The following EML2 variants were observed in gnomAD, a reference collection of about 807,000 sequenced individuals.
The protein encoded by EML2 is EMAP like 2, also known as echinoderm microtubule-associated protein-like 2.
A neutral mutation model predicts 84.7 loss-of-function variants in EML2; 59 were observed. That is an observed-to-expected ratio of 0.70 (90% confidence interval 0.56 to 0.86). EML2 has a LOEUF of 0.86. Ranked by LOEUF, EML2 falls within the 40% of genes least tolerant of loss-of-function variation. The probability of loss-of-function intolerance (pLI) is 0.00; values close to 1 mark genes in which losing one functional copy is unlikely to be tolerated. For synonymous variants in EML2, 352 were observed against 348.9 expected, an observed-to-expected ratio of 1.01 and a Z score of -0.10; for missense variants, 818 against 855.6, an observed-to-expected ratio of 0.96 and a Z score of 0.55.
upstream of EML2, chr19:45,644,886 A>AC (rs1487466768): frequency 9.5e-6 from 4 of 421,758 alleles, no homozygotes; most frequent in Non-Finnish European, 1.9e-5. Context: ...CACCAAATCC[A>AC]CCCCCACCCC....
rs965613577 is a variant in EML2, at chr19:45,634,374, C to T, written c.277G>A (p.Val93Met). 11 of 1,613,928 alleles carry T rather than the reference C, an allele frequency of 6.8e-6. No homozygotes were observed. Among genetic ancestry groups the T allele is most frequent in the African/African-American group, 6.7e-5 (5 of 74,924 alleles). The change falls in exon 4 of 19, where the codon GTG (valine) becomes ATG (methionine). Residue 93 changes from valine (V) to methionine (M), a missense_variant. Coordinates refer to ENST00000245925, the MANE Select transcript of EML2 (RefSeq NM_012155.4). ...TAGTGTCGCTGCCTCTGCTCCTCCA[C>T]GCTGTATAGCACGGCTACGGAGGCC... The part of the protein sequence containing the change: ...FVASVAVLYS[V>M]EEQRQRHYLG...
upstream of EML2, chr19:45,643,810 C>G: frequency 6.9e-7 from 1 of 1,442,674 alleles, no homozygotes; most frequent in Non-Finnish European, 9.1e-7. Context: ...TCAGCGCCTC[C>G]CAGGTCCGGT....
intron 3 of EML2, among the ~76,000 whole-genome samples, chr19:45,637,667 CTTTTTTTT>C (rs58180181): frequency 1.1e-3 from 55 of 48,922 alleles, no homozygotes; most frequent in African/African-American, 3.8e-3. Flanking sequence ...TTTTTCTTTT[CTTTTTTTT>C]TTTTTTTTTT....
intron 12 of EML2, among the ~76,000 whole-genome samples, chr19:45,618,435 A>G (rs1394053223): frequency 6.6e-6 from 1 of 151,720 alleles, no homozygotes; most frequent in Non-Finnish European, 1.5e-5. Flanking sequence ...GCCAGTGGTT[A>G]CCCTATGGGA....
At chr19:45,618,220 C>A (rs1412363103) in intron 12 of EML2, among the ~76,000 whole-genome samples, 1 of 151,052 alleles carries the variant, frequency 6.6e-6, no homozygotes, top group Non-Finnish European at 1.5e-5. Context: ...CCCACCACCA[C>A]GCCCGGCTAA....
chr19:45,621,068 C>A, intron 11 of EML2, 139 bp downstream of exon 11: 1 of 1,336,590 alleles, frequency 7.5e-7, no homozygotes, highest in Non-Finnish European at 1.0e-6. Flanking sequence ...GGGAAGGGGT[C>A]CTGGGTCAGG....
intron 12 of EML2, 149 bp downstream of exon 12, chr19:45,618,911 C>G (rs746710798): frequency 2.3e-6 from 2 of 858,374 alleles, no homozygotes; most frequent in Admixed American, 3.3e-5. Context: ...CGTGCCATTG[C>G]CCTCCAGCCT....
At position 45,616,495 on chromosome 19, in the gene EML2, C is replaced by T. The variant is rs761517168; in HGVS notation, c.1475G>A (p.Gly492Asp). The T allele has an allele frequency of 5.6e-6, 9 of 1,597,814 alleles. No homozygotes were observed. The Admixed American group carries it at 1.5e-4, about 27-fold the overall frequency. Reference sequence around the variant, plus strand: ...GCCCAGGCGGCTGACCTTGCGGCCGCCCTGGTCCACCGTGTACACGTACAC... The same window carrying T: ...GCCCAGGCGGCTGACCTTGCGGCCGTCCTGGTCCACCGTGTACACGTACAC... Reference protein sequence around the residue: ...NLVYVYTVDQGGRKVSRLGKC... With the variant: ...NLVYVYTVDQDGRKVSRLGKC... The change falls in exon 15 of 19, where the codon GGC (glycine) becomes GAC (aspartate). Residue 492 changes from glycine (G) to aspartate (D), a missense_variant. Physicochemically the swap from Gly to Asp is moderately conservative, Grantham distance 94. Transcript: ENST00000245925.
Position 45,633,143 on chromosome 19 carries a change from C to G in EML2, c.330-4G>C, listed in dbSNP as rs748473356. On this transcript the variant is annotated splice_region_variant and splice_polypyrimidine_tract_variant and intron_variant, in intron 4 of 18. Transcript: ENST00000245925. ...CATATCTGGGTGGATGGCCAAGCTG[C>G]GGAAAGAAGGGACAGAGAGACCAGG... 6 of 1,605,694 alleles carry G rather than the reference C, an allele frequency of 3.7e-6. No individual in the cohort carries two copies. Among genetic ancestry groups the G allele is most frequent in the Non-Finnish European group, 4.2e-6 (5 of 1,176,534 alleles).
rs115142542 is a variant in EML2 at position 45,622,367 on chromosome 19, T to A, written c.842-730A>T. ...AGTCAGCCACCCTGCCATCCATCCA[T>A]CAACCCACCTCTCATCCATTCATTT... On this transcript the variant is annotated intron_variant, in intron 9 of 18. Transcript: ENST00000245925. Among the ~76,000 whole-genome samples, 474 of 152,276 alleles carry A rather than the reference T, an allele frequency of 3.1e-3. 1 individual carries two copies. The highest frequency in any genetic ancestry group is 0.011 in the African/African-American group (448 of 41,568).
At chr19:45,645,554 A>C, upstream of EML2, 2 of 1,042,720 alleles carry the variant, frequency 1.9e-6, no homozygotes, top group Non-Finnish European at 1.3e-6. Context: ...AAGCCCCCCA[A>C]CACAATCCTA....
rs745601081 is a variant in EML2, at chr19:45,613,624, G to C, written c.1741C>G (p.Arg581Gly). 3 of 1,613,896 alleles carry C rather than the reference G, an allele frequency of 1.9e-6. No individual in the cohort carries two copies. The African/African-American group carries it at 4.0e-5, about 22-fold the overall frequency. The change falls in exon 18 of 19, where the codon CGC (arginine) becomes GGC (glycine). Residue 581 changes from arginine (R) to glycine (G), a missense_variant. Coordinates refer to ENST00000245925, the MANE Select transcript of EML2 (RefSeq NM_012155.4). ...ADGTDINAVA[R>G]SHDGKLLASA... Reference sequence around the variant, plus strand: ...GCCAGCAACTTCCCATCATGAGAGCGGGCCACAGCGTTGATATCAGTGCCG... The same window carrying C: ...GCCAGCAACTTCCCATCATGAGAGCCGGCCACAGCGTTGATATCAGTGCCG...
intron 9 of EML2, chr19:45,623,598 T>C (rs1299753087): frequency 6.6e-6 from 1 of 151,926 alleles, no homozygotes; most frequent in East Asian, 1.9e-4. Context: ...TCCCCTAGGC[T>C]GGAGTGCAGT....
intron 3 of EML2, among the ~76,000 whole-genome samples, chr19:45,637,751 A>G (rs1445880991): frequency 7.3e-6 from 1 of 136,558 alleles, no homozygotes; most frequent in Non-Finnish European, 1.5e-5. Context: ...ATCTCGGCTC[A>G]CTGCAGCCTC....
In EML2 at chr19:45,639,340, C is replaced by G; in HGVS notation, c.20+17G>C. The G allele has an allele frequency of 7.5e-7, 1 of 1,337,080 alleles. No homozygotes were observed. Among genetic ancestry groups the G allele is most frequent in the Non-Finnish European group, 9.6e-7 (1 of 1,039,164 alleles). 82.8% of individuals were successfully genotyped at this position (1,337,080 alleles called of 1,614,324 possible). On this transcript the variant is annotated intron_variant, in intron 1 of 18. Coordinates refer to ENST00000245925, the MANE Select transcript of EML2 (RefSeq NM_012155.4). The stretch of plus-strand genomic sequence containing the variant: ...GCGCGGAGAGGAGATGGGGGGTGGT[C>G]TGCGAAAGGGTCTCACCCAGCTCCA...
chr19:45,621,666 AG>A, intron 9 of EML2, 29 bp from the exon 10 acceptor site: 1 of 1,598,584 alleles, frequency 6.3e-7, no homozygotes. Flanking sequence ...CAGGGTCAAC[AG>A]GGAGAAGCCA....
At chr19:45,643,226 C>T (rs1333919540), upstream of EML2, among the ~76,000 whole-genome samples, 1 of 152,144 alleles carries the variant, frequency 6.6e-6, no homozygotes, top group African/African-American at 2.4e-5. Context: ...CTCCCCGTTT[C>T]CCCTCCTCTC....
At chr19:45,616,004 G>T (rs1971014594) in intron 15 of EML2, 115 bp from the exon 16 acceptor site, 3 of 760,940 alleles carry the variant, frequency 3.9e-6, no homozygotes, top group Non-Finnish European at 6.8e-6. Context: ...GAGAACACAA[G>T]GGGACTAAAG....
At chr19:45,643,434 CGCG>C, upstream of EML2, 2 of 977,898 alleles carry the variant, frequency 2.0e-6, no homozygotes, top group Non-Finnish European at 3.1e-6. Flanking sequence ...CTCTGTACCC[CGCG>C]CCCCAGATTT....
Sources: gnomAD v4.1 joint callset for allele counts (sites outside exome capture counted in the v4.1 genomes callset) on GRCh38, gnomAD v4.1.1 for gene constraint, MANE v1.5 for transcripts, NCBI Gene and HGNC (gene_info 2026-07-23, HGNC 2026-07-21) for gene names.